DCDC1: variants seen among roughly 807,000 people sequenced by gnomAD.
The protein encoded by DCDC1 is doublecortin domain containing 1.
Under a neutral mutation model 178.3 loss-of-function variants are expected in DCDC1, and 200 were observed. The observed-to-expected ratio is 1.12, with a 90% CI of 1.00 to 1.26. DCDC1 has a LOEUF of 1.26. DCDC1 is among the 50% of genes most tolerant of loss of function. The pLI, the probability that DCDC1 is intolerant of heterozygous loss-of-function variation, is 0.00. For synonymous variants in DCDC1, 690 were observed against 604.8 expected (o/e 1.14, Z -2.07); for missense variants, 1,983 against 1,749.2 (o/e 1.13, Z -2.38).
chr11:31,068,602 C>A (rs1205452525), intron 18 of DCDC1, among the ~76,000 whole-genome samples: 3 of 152,080 alleles, frequency 2.0e-5, no homozygotes, highest in Non-Finnish European at 4.4e-5. Context: ...AAGAATGATA[C>A]ACTATCAATA....
intron 1 of DCDC1, among the ~76,000 whole-genome samples, chr11:31,356,492 C>A (rs2133343235): frequency 6.6e-6 from 1 of 151,690 alleles, no homozygotes; most frequent in Non-Finnish European, 1.5e-5. Flanking sequence ...CAGGAAAGAT[C>A]CAAAATTGAC....
At chr11:30,922,032 T>G (rs1489757337) in intron 24 of DCDC1, among the ~76,000 whole-genome samples, 1 of 151,902 alleles carries the variant, frequency 6.6e-6, no homozygotes, top group Non-Finnish European at 1.5e-5. Flanking sequence ...CCACCCAGAG[T>G]ATCGTCTGAA....
At chr11:31,080,418 T>C (rs1565257044) in intron 17 of DCDC1, among the ~76,000 whole-genome samples, 1 of 152,206 alleles carries the variant, frequency 6.6e-6, no homozygotes, top group Non-Finnish European at 1.5e-5. Flanking sequence ...GAAGTTATTT[T>C]GTGTAAGTGG....
chr11:31,316,104 G>T (rs1293979404), intron 3 of DCDC1, among the ~76,000 whole-genome samples: 3 of 94,056 alleles, frequency 3.2e-5, no homozygotes, highest in African/African-American at 6.2e-5. Flanking sequence ...GAATAGTGCC[G>T]CAATAAACAT....
chr11:31,086,188 T>G (rs189177454), intron 17 of DCDC1, among the ~76,000 whole-genome samples: 1 of 152,330 alleles, frequency 6.6e-6, no homozygotes, highest in African/African-American at 2.4e-5. Context: ...CCAAAGTAAC[T>G]AAACCACTTT....
chr11:31,129,463 G>T (rs1478619626), intron 10 of DCDC1, among the ~76,000 whole-genome samples: 3 of 151,976 alleles, frequency 2.0e-5, no homozygotes, highest in African/African-American at 7.3e-5. Context: ...AGGCCATAAG[G>T]TATCTGTCAA....
intron 20 of DCDC1, among the ~76,000 whole-genome samples, chr11:31,027,337 C>T (rs549009259): frequency 1.3e-5 from 2 of 151,870 alleles, no homozygotes; most frequent in African/African-American, 4.8e-5. Flanking sequence ...TTCAAGTCTC[C>T]ACTGTGTGTT....
chr11:31,359,661 G>C (rs1194546339), intron 1 of DCDC1, among the ~76,000 whole-genome samples: 1 of 152,126 alleles, frequency 6.6e-6, no homozygotes, highest in Non-Finnish European at 1.5e-5. Context: ...AAGACCACTG[G>C]GACTGGATCA....
At chr11:31,202,151 C>G in intron 9 of DCDC1, among the ~76,000 whole-genome samples, 1 of 152,184 alleles carries the variant, frequency 6.6e-6, no homozygotes, top group East Asian at 1.9e-4. Context: ...AGACTATGCA[C>G]CCAGGTACCC....
intron 30 of DCDC1, 96 bp from the exon 31 acceptor site, chr11:30,905,260 G>T: frequency 8.0e-7 from 1 of 1,257,394 alleles, no homozygotes; most frequent in Non-Finnish European, 1.1e-6. Context: ...ATACGTGTGT[G>T]GTGTCTACAT....
At chr11:31,061,494 T>G (rs1955916235) in intron 20 of DCDC1, among the ~76,000 whole-genome samples, 1 of 151,848 alleles carries the variant, frequency 6.6e-6, no homozygotes, top group Non-Finnish European at 1.5e-5. Flanking sequence ...GAAACTGAAA[T>G]TACATCTACT....
chr11:31,023,881 G>A (rs1213379602), intron 20 of DCDC1, among the ~76,000 whole-genome samples: 1 of 151,986 alleles, frequency 6.6e-6, no homozygotes. Context: ...AACTAAAAGA[G>A]CTAAACTTAA....
intron 38 of DCDC1, among the ~76,000 whole-genome samples, chr11:30,870,787 C>A (rs1039083769): frequency 6.6e-6 from 1 of 152,160 alleles, no homozygotes; most frequent in African/African-American, 2.4e-5. Flanking sequence ...AAAATAACAT[C>A]AAGGTCACCC....
intron 7 of DCDC1, among the ~76,000 whole-genome samples, chr11:31,284,005 T>C (rs1946642695): frequency 1.3e-5 from 2 of 151,222 alleles, no homozygotes; most frequent in Admixed American, 1.3e-4. Context: ...CTACGATCCA[T>C]AAATTGCCTC....
At chr11:31,364,881 A>T (rs893395985) in intron 1 of DCDC1, among the ~76,000 whole-genome samples, 13 of 151,868 alleles carry the variant, frequency 8.6e-5, no homozygotes, top group African/African-American at 3.1e-4. Flanking sequence ...CATCCTAGTC[A>T]TTCACCTCTC....
chr11:31,019,909 C>T (rs1018322656), intron 20 of DCDC1, among the ~76,000 whole-genome samples: 1 of 152,126 alleles, frequency 6.6e-6, no homozygotes, highest in African/African-American at 2.4e-5. Context: ...GTATCACCAG[C>T]AATTCCTCAG....
intron 20 of DCDC1, among the ~76,000 whole-genome samples, chr11:30,994,717 T>C (rs1384238722): frequency 6.9e-6 from 1 of 144,560 alleles, no homozygotes; most frequent in East Asian, 2.0e-4. Flanking sequence ...ATATAGTATA[T>C]GTTATAATAT....
chr11:30,868,862 T>C (rs1941273255), intron 38 of DCDC1, among the ~76,000 whole-genome samples: 1 of 152,170 alleles, frequency 6.6e-6, no homozygotes, highest in Non-Finnish European at 1.5e-5. Flanking sequence ...TGGGAGTGAG[T>C]TTACTTTACT....
chr11:31,150,810 T>TA (rs1303208801), intron 9 of DCDC1, among the ~76,000 whole-genome samples: 1 of 152,106 alleles, frequency 6.6e-6, no homozygotes, highest in Non-Finnish European at 1.5e-5. Context: ...CTAAAATTCA[T>TA]AAAAATAGAC....
Sources: gnomAD v4.1 joint callset for allele counts (sites outside exome capture counted in the v4.1 genomes callset) on GRCh38, gnomAD v4.1.1 for gene constraint, MANE v1.5 for transcripts, NCBI Gene and HGNC (gene_info 2026-07-23, HGNC 2026-07-21) for gene names.